The following PKD2L1 variants were observed in gnomAD, a reference collection of about 807,000 sequenced individuals.
PKD2L1 encodes polycystin 2 like 1, transient receptor potential cation channel, also known as polycystin-2-like protein 1.
PKD2L1 carries 77 observed loss-of-function variants against 93.0 expected under a neutral mutation model. The ratio of observed to expected loss-of-function variants is 0.83; its 90% CI spans 0.69 to 1.00. PKD2L1 has a LOEUF of 1.00. PKD2L1 is among the 50% of genes least tolerant of loss of function. The pLI is 0.00. For missense variants in PKD2L1, 977 were observed against 990.9 expected, an observed-to-expected ratio of 0.99 and a Z score of 0.19; for synonymous variants, 390 against 388.0, an observed-to-expected ratio of 1.01 and a Z score of -0.06.
intron 2 of PKD2L1, among the ~76,000 whole-genome samples, chr10:100,307,643 G>C (rs1457063602): frequency 6.6e-6 from 1 of 152,194 alleles, no homozygotes; most frequent in African/African-American, 2.4e-5. Flanking sequence ...CTGGGCAACA[G>C]AGTGAGACAC....
chr10:100,294,767 G>T, intron 8 of PKD2L1, 112 bp from the exon 9 acceptor site: 1 of 1,469,904 alleles, frequency 6.8e-7, no homozygotes, highest in Non-Finnish European at 9.4e-7. Flanking sequence ...GATAGACACA[G>T]GGCAGGGTGC....
Position 100,296,942 on chromosome 10 carries a change from C to T in PKD2L1, c.1185+38G>A, listed in dbSNP as rs146428236. 9.5e-3 allele frequency: 13,498 copies of T among 1,414,696 alleles called. 121 individuals are homozygous for T. Among genetic ancestry groups the T allele is most frequent in the South Asian group, 0.021 (1,779 of 85,850 alleles). The allele number at this position is 1,414,696 out of a possible 1,614,324, so 87.6% of individuals were successfully genotyped here. On this transcript the variant is annotated intron_variant, in intron 6 of 15. Transcript: ENST00000318222. ...CTATTAGGGTGGAACTCCCTCCTCA[C>T]CCCAGAATGTCCCAAGTCCTAGATA... is the stretch of plus-strand genomic sequence containing the variant.
intron 15 of PKD2L1, among the ~76,000 whole-genome samples, chr10:100,288,758 T>C (rs17112875): frequency 0.092 from 14,001 of 152,172 alleles, 1,299 homozygotes; most frequent in African/African-American, 0.23. Flanking sequence ...CACAGAGCTA[T>C]GTGGCAACAC....
intron 1 of PKD2L1, 147 bp from the exon 2 acceptor site, chr10:100,329,471 T>C (rs1480592205): frequency 9.4e-7 from 1 of 1,062,772 alleles, no homozygotes; most frequent in African/African-American, 1.6e-5. Flanking sequence ...CTGGCTACTG[T>C]ACCCACACCC....
chr10:100,329,223 C>A lies in PKD2L1; in HGVS notation c.337G>T (p.Asp113Tyr). The change falls in exon 2 of 16, where the codon GAC (aspartate) becomes TAC (tyrosine). Residue 113 changes from aspartate (D) to tyrosine (Y), a missense_variant. Asp to Tyr is a radical substitution (Grantham distance 160). Coordinates refer to ENST00000318222, the MANE Select transcript of PKD2L1 (RefSeq NM_016112.3). ...AGATGCTACTCACGTAGACAGATGT[C>A]CACCAGGAACACAATATATACCAAC... The part of the protein sequence containing the change: ...ELLVYIVFLV[D>Y]ICLLTYGMTS... 6.2e-7 allele frequency: 1 copy of A among 1,614,102 alleles called. No individual in the cohort carries two copies. Among genetic ancestry groups the A allele is most frequent in the South Asian group, 1.1e-5 (1 of 91,076 alleles).
intron 9 of PKD2L1, 34 bp from the exon 10 acceptor site, chr10:100,293,413 C>G: frequency 7.6e-7 from 1 of 1,322,900 alleles, no homozygotes; most frequent in Non-Finnish European, 1.1e-6. Flanking sequence ...GGTCCTCACC[C>G]CCAGACCCAC....
chr10:100,302,982 A>C (rs1848717837), intron 2 of PKD2L1, among the ~76,000 whole-genome samples: 1 of 152,138 alleles, frequency 6.6e-6, no homozygotes, highest in Non-Finnish European at 1.5e-5. Flanking sequence ...TATGTCTATA[A>C]TTTACTCTCA....
At chr10:100,295,766 T>A (rs1366076214) in intron 7 of PKD2L1, among the ~76,000 whole-genome samples, 1 of 126,282 alleles carries the variant, frequency 7.9e-6, no homozygotes. Flanking sequence ...TCAGGGGCGG[T>A]GGCTCATGCA....
intron 2 of PKD2L1, among the ~76,000 whole-genome samples, chr10:100,305,780 G>GTT (rs1416137522): frequency 1.3e-5 from 2 of 152,134 alleles, no homozygotes; most frequent in Non-Finnish European, 2.9e-5. Context: ...GAAGCCCAGG[G>GTT]TTGTACATGG....
intron 11 of PKD2L1, among the ~76,000 whole-genome samples, chr10:100,291,788 T>C (rs1848412597): frequency 6.6e-6 from 1 of 152,162 alleles, no homozygotes; most frequent in African/African-American, 2.4e-5. Context: ...TCTAAAAATG[T>C]GCCTTCTTGA....
intron 9 of PKD2L1, among the ~76,000 whole-genome samples, chr10:100,293,745 C>A (rs1418360720): frequency 6.6e-6 from 1 of 152,080 alleles, no homozygotes; most frequent in Non-Finnish European, 1.5e-5. Flanking sequence ...TTTTCATCTA[C>A]CCCCCAATCC....
intron 9 of PKD2L1, 57 bp from the exon 10 acceptor site, chr10:100,293,436 G>T (rs1485208364): frequency 9.1e-7 from 1 of 1,104,150 alleles, no homozygotes; most frequent in Non-Finnish European, 1.4e-6. Flanking sequence ...AAAGGATTGA[G>T]CCCACTGACC....
Position 100,292,978 on chromosome 10 carries a change from T to A in PKD2L1, c.1850A>T (p.Gln617Leu), listed in dbSNP as rs1415385399. 6.2e-7 allele frequency: 1 copy of A among 1,614,054 alleles called. No individual in the cohort carries two copies. Among genetic ancestry groups the A allele is most frequent in the Non-Finnish European group, 8.5e-7 (1 of 1,180,014 alleles). The change falls in exon 11 of 16, where the codon CAG becomes CTG. Residue 617 changes from glutamine to leucine, a missense_variant. Gln to Leu is a moderately radical substitution (Grantham distance 113). Coordinates refer to ENST00000318222, the MANE Select transcript of PKD2L1 (RefSeq NM_016112.3). Reference sequence around the variant, plus strand: ...TAAGGTGTTGGTGAAATCCTCAAACTGGATCTCCTGCTCCCCACCCTGCAG... The same window carrying A: ...TAAGGTGTTGGTGAAATCCTCAAACAGGATCTCCTGCTCCCCACCCTGCAG... ...KVLQGGEQEI[Q>L]FEDFTNTLRE...
chr10:100,321,730 A>G (rs1564894429), intron 2 of PKD2L1, among the ~76,000 whole-genome samples: 5 of 9,916 alleles, frequency 5.0e-4, no homozygotes, highest in Admixed American at 1.8e-3. Context: ...AAAGAAAGAA[A>G]GAAAGAAAGA....
At chr10:100,315,538 G>A (rs918116704) in intron 2 of PKD2L1, among the ~76,000 whole-genome samples, 1 of 152,052 alleles carries the variant, frequency 6.6e-6, no homozygotes, top group Non-Finnish European at 1.5e-5. Context: ...TTGGTTTTCT[G>A]TTCCTGTGTT....
intron 2 of PKD2L1, among the ~76,000 whole-genome samples, chr10:100,315,922 T>C (rs1849091667): frequency 6.7e-6 from 1 of 150,272 alleles, no homozygotes; most frequent in Admixed American, 6.6e-5. Context: ...TTAAAAACAG[T>C]TAAAAACAGT....
chr10:100,328,244 G>A (rs495734), intron 2 of PKD2L1, among the ~76,000 whole-genome samples: 147,114 of 152,300 alleles, frequency 0.97, 71,164 homozygotes, highest in Middle Eastern at 1. Context: ...TATTATTTAC[G>A]GTTCTTTGAC....
Position 100,297,692 on chromosome 10 carries a change from G to A in PKD2L1, c.732-86C>T, listed in dbSNP as rs17112898. 8,031 of 846,984 alleles carry A rather than the reference G, an allele frequency of 9.5e-3. 106 individuals are homozygous for A. The highest frequency in any genetic ancestry group is 0.053 in the Middle Eastern group (148 of 2,812). The allele number at this position is 846,984 out of a possible 1,614,324, so 52.5% of individuals were successfully genotyped here. A position where few individuals can be genotyped will look rare whatever the true frequency, so the allele number is the denominator to read the frequency against. On this transcript the variant is annotated intron_variant, in intron 4 of 15. Transcript: ENST00000318222. The stretch of plus-strand genomic sequence containing the variant: ...GCTTTATCATTGTCTGGGCTTTACA[G>A]GTTTACATATTGTGTGTGTGTGTGT...
rs138027951 is a variant in PKD2L1, at chr10:100,302,129, C to T, written c.350-2411G>A. On this transcript the variant is annotated intron_variant, in intron 2 of 15. Transcript: ENST00000318222. Reference sequence around the variant, plus strand: ...GGATTATAGGCATGAGCCACTGCACCGGCCTCAAATGGTGATTTTTTAAAA... The same window carrying T: ...GGATTATAGGCATGAGCCACTGCACTGGCCTCAAATGGTGATTTTTTAAAA... Among the ~76,000 whole-genome samples the T allele has an allele frequency of 1.8e-3, 273 of 152,224 alleles. 1 individual carries two copies. The highest frequency in any genetic ancestry group is 6.3e-3 in the African/African-American group (260 of 41,532).
Sources: allele counts gnomAD v4.1 joint callset (sites outside exome capture counted in the v4.1 genomes callset), GRCh38; gene constraint gnomAD v4.1.1; transcripts MANE v1.5; gene names NCBI Gene and HGNC (gene_info 2026-07-23, HGNC 2026-07-21).